HPSE2: variants seen among roughly 807,000 people sequenced by gnomAD.
The protein encoded by HPSE2 is heparanase 2 (inactive), also known as inactive heparanase-2.
HPSE2 carries 38 observed loss-of-function variants against 60.5 expected under a neutral mutation model. The ratio of observed to expected loss-of-function variants is 0.63; its 90% confidence interval spans 0.48 to 0.82. HPSE2 has a LOEUF of 0.82. HPSE2 is among the 40% of genes least tolerant of loss of function. The pLI is 0.00. For synonymous variants in HPSE2, 295 were observed against 293.2 expected, an observed-to-expected ratio of 1.01 and a Z score of -0.06; for missense variants, 713 against 740.4, an observed-to-expected ratio of 0.96 and a Z score of 0.43.
At chr10:99,128,005 C>G (rs1462177816) in intron 3 of HPSE2, among the ~76,000 whole-genome samples, 1 of 152,120 alleles carries the variant, frequency 6.6e-6, no homozygotes, top group Non-Finnish European at 1.5e-5. Context: ...AATCTTGAAA[C>G]AAAACCTTAA....
chr10:98,831,961 G>C (rs528215321), intron 3 of HPSE2, among the ~76,000 whole-genome samples: 2 of 152,156 alleles, frequency 1.3e-5, no homozygotes, highest in African/African-American at 4.8e-5. Context: ...GATAATGACC[G>C]CTGATAGGTT....
intron 9 of HPSE2, among the ~76,000 whole-genome samples, chr10:98,609,442 C>T (rs544855199): frequency 5.3e-5 from 8 of 152,104 alleles, no homozygotes; most frequent in African/African-American, 1.4e-4. Context: ...GAAAAATAGG[C>T]CTTCTTTAAG....
chr10:98,694,541 G>A (rs1001634478), intron 5 of HPSE2, among the ~76,000 whole-genome samples: 8 of 152,158 alleles, frequency 5.3e-5, no homozygotes, highest in Non-Finnish European at 1.2e-4. Context: ...AGTACTGAGT[G>A]TTATCTGACA....
the HPSE2 span, among the ~76,000 whole-genome samples, chr10:99,292,511 GA>G: frequency 5.5e-4 from 83 of 152,206 alleles, no homozygotes; most frequent in African/African-American, 2.0e-3. Flanking sequence ...ACATGAATGA[GA>G]CAGCCTCTGC....
chr10:98,754,324 T>C (rs1949828729), intron 3 of HPSE2, among the ~76,000 whole-genome samples: 1 of 151,944 alleles, frequency 6.6e-6, no homozygotes, highest in African/African-American at 2.4e-5. Context: ...AAGAATACAA[T>C]GTAATGAAGA....
chr10:98,987,475 G>T (rs935816385), intron 3 of HPSE2, among the ~76,000 whole-genome samples: 1 of 151,972 alleles, frequency 6.6e-6, no homozygotes, highest in Non-Finnish European at 1.5e-5. Flanking sequence ...CTCAAATTAG[G>T]TATCGATGGG....
chr10:98,968,359 TGGTGTG>T (rs1955866202), intron 3 of HPSE2, among the ~76,000 whole-genome samples: 1 of 152,106 alleles, frequency 6.6e-6, no homozygotes, highest in Non-Finnish European at 1.5e-5. Context: ...TAATTGATGT[TGGTGTG>T]GGTGTGGTGA....
At chr10:99,229,468 T>C (rs997032237) in intron 2 of HPSE2, among the ~76,000 whole-genome samples, 1 of 152,226 alleles carries the variant, frequency 6.6e-6, no homozygotes, top group Admixed American at 6.5e-5. Context: ...TTTGCTGAAG[T>C]TGCCTTTAAT....
intron 9 of HPSE2, among the ~76,000 whole-genome samples, chr10:98,530,317 C>T (rs1441960505): frequency 6.6e-6 from 1 of 152,170 alleles, no homozygotes; most frequent in African/African-American, 2.4e-5. Flanking sequence ...CAAACTTTAG[C>T]ATGCATAAAG....
chr10:99,030,984 A>T (rs1260442026), intron 3 of HPSE2, among the ~76,000 whole-genome samples: 1 of 152,188 alleles, frequency 6.6e-6, no homozygotes, highest in Non-Finnish European at 1.5e-5. Context: ...CAGAGGCTGA[A>T]AAGAGTAGTG....
chr10:99,080,102 T>C (rs1047192384), intron 3 of HPSE2, among the ~76,000 whole-genome samples: 2 of 152,186 alleles, frequency 1.3e-5, no homozygotes, highest in African/African-American at 2.4e-5. Context: ...TTTTTGGATG[T>C]CTCAAAAAAG....
chr10:98,932,839 T>A (rs1212954875), intron 3 of HPSE2, among the ~76,000 whole-genome samples: 1 of 143,844 alleles, frequency 7.0e-6, no homozygotes, highest in East Asian at 2.0e-4. Context: ...TTATTATTTC[T>A]GATTGTGTTT....
intron 9 of HPSE2, among the ~76,000 whole-genome samples, chr10:98,516,368 T>C (rs1359811345): frequency 1.3e-5 from 2 of 152,210 alleles, no homozygotes; most frequent in Non-Finnish European, 2.9e-5. Context: ...GTTGAATGAA[T>C]GAATGAATGT....
At chr10:99,068,883 A>T (rs1310277473) in intron 3 of HPSE2, among the ~76,000 whole-genome samples, 1 of 152,206 alleles carries the variant, frequency 6.6e-6, no homozygotes, top group African/African-American at 2.4e-5. Flanking sequence ...AAATGAACAA[A>T]TTCCTAGAAA....
intron 3 of HPSE2, among the ~76,000 whole-genome samples, chr10:99,068,022 T>C (rs1201556573): frequency 6.6e-6 from 1 of 152,154 alleles, no homozygotes; most frequent in Non-Finnish European, 1.5e-5. Context: ...ACCAGTCTCT[T>C]TGCATAGCAA....
At position 98,980,304 on chromosome 10, in the gene HPSE2, T is replaced by G. The variant is rs904944886; in HGVS notation, c.610+163934A>C. 4.6e-5 allele frequency among the ~76,000 whole-genome samples: 7 copies of G among 152,350 alleles called. No homozygotes were observed. In the South Asian group the frequency reaches 1.2e-3, roughly 27 times the overall value. ...TAATAATGTTAATAAAGTTTATTATTTTGTTATTACTGTTGTTAAAAATCA... is the reference window on the plus strand; with the variant it reads ...TAATAATGTTAATAAAGTTTATTATGTTGTTATTACTGTTGTTAAAAATCA... On this transcript the variant is annotated intron_variant, in intron 3 of 11. Transcript: ENST00000370552.
At position 98,620,595 on chromosome 10, in the gene HPSE2, TACTC is replaced by T; in HGVS notation, c.1205+3_1205+6del. 4.4e-6 allele frequency: 7 copies of T among 1,606,022 alleles called. No individual in the cohort carries two copies. Among genetic ancestry groups the T allele is most frequent in the Non-Finnish European group, 6.0e-6 (7 of 1,172,742 alleles). The stretch of plus-strand genomic sequence containing the variant: ...CCCCTGGGGGTGAACTTGCAGGTGT[TACTC>T]ACAAGAATCCTGCAGCATAGGAATC... On this transcript the variant is annotated splice_donor_5th_base_variant and intron_variant, in intron 8 of 11. Transcript: ENST00000370552.
At chr10:99,027,070 C>T (rs1957393384) in intron 3 of HPSE2, among the ~76,000 whole-genome samples, 1 of 150,990 alleles carries the variant, frequency 6.6e-6, no homozygotes, top group Admixed American at 6.6e-5. Context: ...TCTAGAAAAG[C>T]AAGAACAAAC....
At chr10:99,274,455 A>T in the HPSE2 span, among the ~76,000 whole-genome samples, 1 of 152,208 alleles carries the variant, frequency 6.6e-6, no homozygotes, top group Non-Finnish European at 1.5e-5. Flanking sequence ...ACAGAAAAGA[A>T]ATAATTATTT....
Sources: allele counts gnomAD v4.1 joint callset (sites outside exome capture counted in the v4.1 genomes callset), GRCh38; gene constraint gnomAD v4.1.1; transcripts MANE v1.5; gene names NCBI Gene and HGNC (gene_info 2026-07-23, HGNC 2026-07-21).